MAGI2: variants seen among roughly 807,000 people sequenced by gnomAD.
The protein encoded by MAGI2 is membrane associated guanylate kinase, WW and PDZ domain containing 2.
In MAGI2, 35 loss-of-function variants were observed where a neutral mutation model predicts 133.3. The ratio of observed to expected loss-of-function variants is 0.26; its 90% CI spans 0.20 to 0.35. MAGI2 has a LOEUF of 0.35. Ranked by LOEUF, MAGI2 falls within the 10% of genes least tolerant of loss-of-function variation. MAGI2 has a pLI of 1.00. For synonymous variants in MAGI2, 729 were observed against 710.6 expected (o/e 1.03, Z -0.41); for missense variants, 1,636 against 1,863.4 (o/e 0.88, Z 2.25).
At chr7:78,100,537 A>C (rs560434344) in intron 20 of MAGI2, among the ~76,000 whole-genome samples, 9 of 150,930 alleles carry the variant, frequency 6.0e-5, no homozygotes, top group Admixed American at 5.9e-4. Context: ...TTTTTTGTAG[A>C]GATGGGGGCT....
chr7:79,055,159 ATC>A (rs1264011227), intron 1 of MAGI2, among the ~76,000 whole-genome samples: 2 of 152,158 alleles, frequency 1.3e-5, no homozygotes, highest in Non-Finnish European at 2.9e-5. Context: ...TGTATCTTCT[ATC>A]TCTAACTCCT....
intron 3 of MAGI2, among the ~76,000 whole-genome samples, chr7:78,530,230 A>G (rs1266687133): frequency 6.6e-6 from 1 of 151,374 alleles, no homozygotes; most frequent in Non-Finnish European, 1.5e-5. Context: ...GTAGGTGACA[A>G]TGTGTCAATG....
chr7:78,865,722 G>T (rs1794501665), intron 2 of MAGI2, among the ~76,000 whole-genome samples: 1 of 152,122 alleles, frequency 6.6e-6, no homozygotes. Context: ...TGGGAAAACA[G>T]AATCTTATGT....
At chr7:78,279,989 G>A (rs911603820) in intron 9 of MAGI2, among the ~76,000 whole-genome samples, 3 of 152,074 alleles carry the variant, frequency 2.0e-5, no homozygotes, top group Admixed American at 6.6e-5. Context: ...GCTTAAACAT[G>A]GCAAGCAAAC....
chr7:78,765,684 A>G (rs1303516091), intron 2 of MAGI2, among the ~76,000 whole-genome samples: 4 of 152,150 alleles, frequency 2.6e-5, no homozygotes, highest in Non-Finnish European at 5.9e-5. Context: ...CATGATTTGA[A>G]GTCCTACAGA....
intron 5 of MAGI2, among the ~76,000 whole-genome samples, chr7:78,494,273 T>A (rs1793893445): frequency 6.6e-6 from 1 of 152,130 alleles, no homozygotes; most frequent in African/African-American, 2.4e-5. Flanking sequence ...CACTTTCAAA[T>A]CAAATTTTCT....
intron 3 of MAGI2, among the ~76,000 whole-genome samples, chr7:78,579,919 G>A (rs1367749711): frequency 6.6e-6 from 1 of 152,030 alleles, no homozygotes; most frequent in Non-Finnish European, 1.5e-5. Context: ...TGACTGCAGC[G>A]ACCAACTGCT....
chr7:78,088,192 A>C lies in MAGI2; in HGVS notation c.3568-9107T>G, dbSNP rs565573743. 3.9e-5 allele frequency among the ~76,000 whole-genome samples: 6 copies of C among 152,354 alleles called. No homozygotes were observed. In the South Asian group the frequency reaches 1.2e-3, roughly 32 times the overall value. ...GATTATTATTATGTATACTTATCTA[A>C]TCAGATACATTTATTTTCTGGATAA... On this transcript the variant is annotated intron_variant, in intron 20 of 21. Coordinates refer to ENST00000354212, the MANE Select transcript of MAGI2 (RefSeq NM_012301.4).
chr7:78,132,656 C>T (rs1821687903), intron 18 of MAGI2, among the ~76,000 whole-genome samples: 1 of 152,228 alleles, frequency 6.6e-6, no homozygotes, highest in Admixed American at 6.5e-5. Flanking sequence ...TCTGCAACTG[C>T]TCACCATTTC....
At chr7:78,404,479 C>T (rs1029535422) in intron 6 of MAGI2, among the ~76,000 whole-genome samples, 1 of 152,080 alleles carries the variant, frequency 6.6e-6, no homozygotes, top group African/African-American at 2.4e-5. Context: ...ACATATAGAC[C>T]AATGGAACAG....
intron 1 of MAGI2, among the ~76,000 whole-genome samples, chr7:79,315,174 T>TTTG (rs1434370612): frequency 6.6e-6 from 1 of 151,688 alleles, no homozygotes; most frequent in Admixed American, 6.6e-5. Flanking sequence ...CTTTTTTTTT[T>TTTG]TTTTAAGGTG....
intron 7 of MAGI2, among the ~76,000 whole-genome samples, chr7:78,355,618 C>G (rs891790047): frequency 2.0e-5 from 3 of 152,342 alleles, no homozygotes; most frequent in African/African-American, 4.8e-5. Flanking sequence ...GCTCCGTGTA[C>G]TGCCAACATC....
chr7:78,654,863 G>A (rs1003783994), intron 2 of MAGI2, among the ~76,000 whole-genome samples: 1 of 150,756 alleles, frequency 6.6e-6, no homozygotes, highest in African/African-American at 2.4e-5. Flanking sequence ...TCCTATACAG[G>A]GTTTCACATA....
chr7:78,944,250 T>A (rs1463025856), intron 2 of MAGI2, among the ~76,000 whole-genome samples: 2 of 152,182 alleles, frequency 1.3e-5, no homozygotes, highest in Non-Finnish European at 2.9e-5. Flanking sequence ...TCTCTCCTCC[T>A]CACTTCATCC....
At chr7:78,220,986 A>G (rs1450096658) in intron 10 of MAGI2, among the ~76,000 whole-genome samples, 1 of 151,782 alleles carries the variant, frequency 6.6e-6, no homozygotes, top group African/African-American at 2.4e-5. Context: ...TACCCCTCCC[A>G]CCTCTCTAAG....
chr7:78,765,804 G>GA (rs1824964145), intron 2 of MAGI2, among the ~76,000 whole-genome samples: 1 of 152,082 alleles, frequency 6.6e-6, no homozygotes, highest in South Asian at 2.1e-4. Flanking sequence ...ACTAAATATT[G>GA]AAAAAAACCC....
chr7:78,776,002 C>T lies in MAGI2; in HGVS notation c.419-148763G>A, dbSNP rs569525882. 8.5e-5 allele frequency among the ~76,000 whole-genome samples: 13 copies of T among 152,314 alleles called. No homozygotes were observed. The South Asian group carries it at 2.7e-3, about 32-fold the overall frequency. Reference sequence around the variant, plus strand: ...TGGACTCTGTCTCTGGGTTTAAAGCCTTTCTCTGTCATTTGTGGGCTGTGT... The same window carrying T: ...TGGACTCTGTCTCTGGGTTTAAAGCTTTTCTCTGTCATTTGTGGGCTGTGT... On this transcript the variant is annotated intron_variant, in intron 2 of 21. Transcript: ENST00000354212.
intron 20 of MAGI2, among the ~76,000 whole-genome samples, chr7:78,108,863 C>CTA (rs540494310): frequency 6.6e-6 from 1 of 151,816 alleles, no homozygotes; most frequent in Non-Finnish European, 1.5e-5. Flanking sequence ...ATATCTATAT[C>CTA]TATATATATC....
At chr7:78,755,831 T>G (rs965722356) in intron 2 of MAGI2, among the ~76,000 whole-genome samples, 1 of 152,198 alleles carries the variant, frequency 6.6e-6, no homozygotes, top group Admixed American at 6.5e-5. Context: ...AATAAACAAA[T>G]TTGCCATTAG....
Sources: gnomAD v4.1 joint callset for allele counts (sites outside exome capture counted in the v4.1 genomes callset) on GRCh38, gnomAD v4.1.1 for gene constraint, MANE v1.5 for transcripts, NCBI Gene and HGNC (gene_info 2026-07-23, HGNC 2026-07-21) for gene names.